Variants in IL1RL2 observed in about 807,000 individuals in gnomAD.
IL1RL2 encodes interleukin-1 receptor-like 2.
A neutral mutation model predicts 66.8 loss-of-function variants in IL1RL2; 68 were observed. That is an observed-to-expected ratio of 1.02 (90% CI 0.84 to 1.25). The LOEUF (loss-of-function observed/expected upper bound fraction) is 1.25, where lower values mean the gene tolerates loss of function less well. Among genes scored for constraint, IL1RL2 ranks in the 50% most tolerant of loss-of-function variants. The pLI is 0.00. For missense variants in IL1RL2, 729 were observed against 709.3 expected (o/e 1.03, Z -0.32); for synonymous variants, 305 against 264.6 (o/e 1.15, Z -1.48).
chr2:102,195,565 CTTT>C (rs1687608892), intron 4 of IL1RL2, among the ~76,000 whole-genome samples: 1 of 10,280 alleles, frequency 9.7e-5, no homozygotes, highest in Non-Finnish European at 2.1e-4. Context: ...CTTTCTCTTT[CTTT>C]CTTTCTTTCT....
intron 5 of IL1RL2, among the ~76,000 whole-genome samples, chr2:102,210,978 T>C (rs894311172): frequency 7.2e-5 from 11 of 151,856 alleles, no homozygotes; most frequent in African/African-American, 2.4e-5. Flanking sequence ...GACTGAGAAA[T>C]GAGGAGGCAA....
chr2:102,225,840 A>G (rs1690550213), intron 8 of IL1RL2, 58 bp from the exon 9 acceptor site: 2 of 1,336,864 alleles, frequency 1.5e-6, no homozygotes, highest in African/African-American at 1.5e-5. Context: ...TATATAATGG[A>G]CTCTTTGTTT....
At position 102,188,016 on chromosome 2, in the gene IL1RL2, C is replaced by G. The variant is rs34547811; in HGVS notation, c.58+91C>G. On this transcript the variant is annotated intron_variant, in intron 2 of 11. Coordinates refer to ENST00000264257, the MANE Select transcript of IL1RL2 (RefSeq NM_003854.4). ...GGAGCCCCCGGGGATCGCGTCAGCC[C>G]GAGCGCGGCTCCTTCCCCTCCCCAG... The G allele has an allele frequency of 1.4e-3, 1,806 of 1,314,938 alleles. 24 individuals are homozygous for G. In the African/African-American group the frequency reaches 0.024, roughly 17 times the overall value. The allele number at this position is 1,314,938 out of a possible 1,614,324, so 81.5% of individuals were successfully genotyped here. A position where few individuals can be genotyped will look rare whatever the true frequency, so the allele number is the denominator to read the frequency against.
intron 10 of IL1RL2, among the ~76,000 whole-genome samples, chr2:102,234,138 T>C (rs1674625118): frequency 6.6e-6 from 1 of 152,176 alleles, no homozygotes; most frequent in Non-Finnish European, 1.5e-5. Flanking sequence ...CTCACATAAA[T>C]CCTGGTCATT....
At chr2:102,227,931 G>T (rs1245110492) in intron 9 of IL1RL2, among the ~76,000 whole-genome samples, 1 of 151,978 alleles carries the variant, frequency 6.6e-6, no homozygotes, top group Non-Finnish European at 1.5e-5. Context: ...TAGTGAGGTC[G>T]AGTTTAGCAG....
chr2:102,207,640 T>C (rs1307638749), intron 5 of IL1RL2, among the ~76,000 whole-genome samples: 1 of 151,992 alleles, frequency 6.6e-6, no homozygotes, highest in Non-Finnish European at 1.5e-5. Flanking sequence ...CTCTTCCCTC[T>C]CCTCTCCTTA....
chr2:102,187,626 G>A (rs1206865619), intron 1 of IL1RL2, among the ~76,000 whole-genome samples: 3 of 152,170 alleles, frequency 2.0e-5, no homozygotes, highest in African/African-American at 4.8e-5. Context: ...ATCCTCCTCT[G>A]CGGCGGGGCG....
intron 1 of IL1RL2, 123 bp from the exon 2 acceptor site, chr2:102,187,733 C>A: frequency 1.2e-6 from 1 of 833,840 alleles, no homozygotes. Flanking sequence ...GAGGGCTCCC[C>A]AGGAAAAAGG....
At chr2:102,207,438 C>T (rs902538289) in intron 5 of IL1RL2, among the ~76,000 whole-genome samples, 6 of 152,122 alleles carry the variant, frequency 3.9e-5, no homozygotes, top group Non-Finnish European at 8.8e-5. Context: ...GGCACAAGGA[C>T]TCTTAAGTTA....
downstream of IL1RL2, among the ~76,000 whole-genome samples, chr2:102,240,609 G>T (rs527627887): frequency 2.2e-4 from 33 of 152,190 alleles, no homozygotes; most frequent in African/African-American, 7.7e-4. Flanking sequence ...GTCACAGCTC[G>T]CCAACTTGTT....
intron 4 of IL1RL2, among the ~76,000 whole-genome samples, chr2:102,196,000 C>G (rs1478405486): frequency 5.3e-5 from 8 of 152,038 alleles, no homozygotes. Flanking sequence ...AGGTGTGAGC[C>G]AGCGCATCGG....
intron 10 of IL1RL2, among the ~76,000 whole-genome samples, chr2:102,233,490 A>G (rs919317616): frequency 2.0e-5 from 3 of 152,190 alleles, no homozygotes; most frequent in Non-Finnish European, 4.4e-5. Context: ...CCTGAGATGA[A>G]CTGCTGGGTG....
intron 6 of IL1RL2, among the ~76,000 whole-genome samples, chr2:102,213,382 A>T (rs1689344831): frequency 1.3e-5 from 2 of 152,216 alleles, no homozygotes; most frequent in African/African-American, 2.4e-5. Context: ...AACCAAAACA[A>T]TAAAATAATC....
At position 102,239,477 on chromosome 2, in the gene IL1RL2, C is replaced by T. The variant is rs1383760707; in HGVS notation, c.*236C>T. On this transcript the variant is annotated 3_prime_UTR_variant, in exon 12 of 12. Coordinates refer to ENST00000264257, the MANE Select transcript of IL1RL2 (RefSeq NM_003854.4). ...TGGAGGGTGAGAGCTGGGGGTTATC[C>T]CCATGGTCATGGAGGGTGAGGGCTG... 2.1e-6 allele frequency: 1 copy of T among 469,182 alleles called. No individual in the cohort carries two copies. Among genetic ancestry groups the T allele is most frequent in the South Asian group, 2.2e-5 (1 of 45,000 alleles). The allele number at this position is 469,182 out of a possible 1,614,324, so 29.1% of individuals were successfully genotyped here.
chr2:102,192,758 T>A (rs1424803535), intron 4 of IL1RL2, among the ~76,000 whole-genome samples: 1 of 152,210 alleles, frequency 6.6e-6, no homozygotes, highest in Admixed American at 6.5e-5. Context: ...TTGGAATTAG[T>A]TTTTCCTGCT....
intron 2 of IL1RL2, among the ~76,000 whole-genome samples, chr2:102,188,339 C>T (rs894786002): frequency 6.6e-6 from 1 of 152,154 alleles, no homozygotes; most frequent in Admixed American, 6.5e-5. Context: ...AATCCCAGTA[C>T]TTTGGGAGGC....
At position 102,201,741 on chromosome 2, in the gene IL1RL2, G is replaced by A. The variant is rs373907400; in HGVS notation, c.649+26G>A. 3.2e-5 allele frequency: 51 copies of A among 1,603,490 alleles called. No individual in the cohort carries two copies. In the East Asian group the frequency reaches 4.3e-4, roughly 13 times the overall value. ...GTAAGTATGCTCATGTATGCCTGTCGCCTTGTATTCTCTTGGCTTTGTGTG... is the reference window on the plus strand; with the variant it reads ...GTAAGTATGCTCATGTATGCCTGTCACCTTGTATTCTCTTGGCTTTGTGTG... On this transcript the variant is annotated intron_variant, in intron 5 of 11. Transcript: ENST00000264257.
intron 6 of IL1RL2, among the ~76,000 whole-genome samples, chr2:102,215,509 T>C (rs1689532563): frequency 6.6e-6 from 1 of 152,094 alleles, no homozygotes; most frequent in Admixed American, 6.5e-5. Context: ...GGGGAAGCTT[T>C]CCCTAGCCAG....
At chr2:102,234,312 T>C (rs1014276161) in intron 10 of IL1RL2, among the ~76,000 whole-genome samples, 3 of 152,186 alleles carry the variant, frequency 2.0e-5, no homozygotes, top group Non-Finnish European at 4.4e-5. Context: ...TTAGGAACCA[T>C]CAGATACTTG....
Sources: gnomAD v4.1 joint callset for allele counts (sites outside exome capture counted in the v4.1 genomes callset) on GRCh38, gnomAD v4.1.1 for gene constraint, MANE v1.5 for transcripts, NCBI Gene and HGNC (gene_info 2026-07-23, HGNC 2026-07-21) for gene names.